Variants in GABRB2 observed in about 807,000 individuals in gnomAD.
GABRB2 encodes gamma-aminobutyric acid receptor subunit beta-2.
Under a neutral mutation model 54.7 loss-of-function variants are expected in GABRB2, and 16 were observed. The observed-to-expected ratio is 0.29, with a 90% confidence interval of 0.20 to 0.44. GABRB2 has a LOEUF of 0.44. Among genes scored for constraint, GABRB2 ranks in the 20% least tolerant of loss-of-function variants. The probability of loss-of-function intolerance (pLI) is 1.00; values close to 1 mark genes in which losing one functional copy is unlikely to be tolerated. For synonymous variants in GABRB2, 244 were observed against 233.8 expected (o/e 1.04, Z -0.40); for missense variants, 355 against 644.0 (o/e 0.55, Z 4.86).
intron 9 of GABRB2, among the ~76,000 whole-genome samples, chr5:161,308,918 ACCT>A (rs1378571687): frequency 6.6e-6 from 1 of 152,172 alleles, no homozygotes; most frequent in African/African-American, 2.4e-5. Flanking sequence ...CCAGAAAACA[ACCT>A]AGGCAATACA....
chr5:161,536,755 G>A (rs60871523), intron 3 of GABRB2, among the ~76,000 whole-genome samples: 13 of 152,066 alleles, frequency 8.5e-5, no homozygotes, highest in South Asian at 6.2e-4. Context: ...GCACCACCAC[G>A]CCCAGCTAAT....
intron 3 of GABRB2, among the ~76,000 whole-genome samples, chr5:161,472,836 T>C (rs756082654): frequency 6.6e-6 from 1 of 151,964 alleles, no homozygotes. Flanking sequence ...GAAGATTCTT[T>C]TCGGCAGAAT....
At chr5:161,414,151 A>G (rs1756595768) in intron 4 of GABRB2, among the ~76,000 whole-genome samples, 2 of 152,216 alleles carry the variant, frequency 1.3e-5, no homozygotes, top group Admixed American at 1.3e-4. Context: ...AGCATTTGTA[A>G]GTGTCTTCTA....
At chr5:161,405,933 A>T (rs952740686) in intron 5 of GABRB2, among the ~76,000 whole-genome samples, 1 of 152,058 alleles carries the variant, frequency 6.6e-6, no homozygotes, top group Non-Finnish European at 1.5e-5. Flanking sequence ...TGTTGCCTTT[A>T]TATAATGTAC....
chr5:161,546,691 C>T lies in GABRB2; in HGVS notation c.-48G>A. The T allele has an allele frequency of 6.4e-7, 1 of 1,556,060 alleles. No individual in the cohort carries two copies. Among genetic ancestry groups the T allele is most frequent in the South Asian group, 1.2e-5 (1 of 84,434 alleles). ...GAGGGTTTCACTGAAGAGAGGAGATCCAACTTAGTCTGCCCAGTGCAGTAA... is the reference window on the plus strand; with the variant it reads ...GAGGGTTTCACTGAAGAGAGGAGATTCAACTTAGTCTGCCCAGTGCAGTAA... On this transcript the variant is annotated 5_prime_UTR_variant, in exon 1 of 10. Coordinates refer to ENST00000393959, the MANE Select transcript of GABRB2 (RefSeq NM_001371727.1).
Position 161,478,037 on chromosome 5 carries a change from G to A in GABRB2, c.238-18193C>T, listed in dbSNP as rs146317765. 5.3e-5 allele frequency among the ~76,000 whole-genome samples: 8 copies of A among 152,008 alleles called. No homozygotes were observed. The East Asian group carries it at 5.8e-4, about 11-fold the overall frequency. On this transcript the variant is annotated intron_variant, in intron 3 of 9. Coordinates refer to ENST00000393959, the MANE Select transcript of GABRB2 (RefSeq NM_001371727.1). ...TTGCTTTGTAAATTTGGATTTCTAC[G>A]TAGTTATTTAGCAAACTTTTCTATG...
At chr5:161,498,933 C>T (rs897991826) in intron 3 of GABRB2, among the ~76,000 whole-genome samples, 12 of 152,122 alleles carry the variant, frequency 7.9e-5, no homozygotes, top group African/African-American at 2.7e-4. Context: ...AATGCTAAAC[C>T]GTCACAGCTA....
At chr5:161,393,853 T>TAATATAAACATAGAAAGTATGAACA (rs1755911855) in intron 5 of GABRB2, among the ~76,000 whole-genome samples, 1 of 152,082 alleles carries the variant, frequency 6.6e-6, no homozygotes, top group African/African-American at 2.4e-5. Flanking sequence ...GAAAATAAGC[T>TAATATAAACATAGAAAGTATGAACA]AATATAAACA....
intron 4 of GABRB2, among the ~76,000 whole-genome samples, chr5:161,457,244 A>G (rs1757982775): frequency 6.6e-6 from 1 of 152,176 alleles, no homozygotes; most frequent in Non-Finnish European, 1.5e-5. Context: ...AGGAACCTGC[A>G]TATTTTTTAA....
At chr5:161,410,027 T>C (rs908038694) in intron 5 of GABRB2, among the ~76,000 whole-genome samples, 3 of 152,136 alleles carry the variant, frequency 2.0e-5, no homozygotes, top group African/African-American at 4.8e-5. Context: ...CTCACAGCAA[T>C]GATTTAGTCA....
intron 5 of GABRB2, among the ~76,000 whole-genome samples, chr5:161,366,806 G>C (rs1754986081): frequency 6.6e-6 from 1 of 152,078 alleles, no homozygotes; most frequent in Admixed American, 6.6e-5. Context: ...AATTAAGTAG[G>C]CGTGGTGGCA....
chr5:161,420,411 C>T (rs1756815739), intron 4 of GABRB2, among the ~76,000 whole-genome samples: 1 of 152,204 alleles, frequency 6.6e-6, no homozygotes, highest in African/African-American at 2.4e-5. Context: ...GTTCCACAAT[C>T]TACCTTTAAC....
At chr5:161,477,196 T>C (rs974036918) in intron 3 of GABRB2, among the ~76,000 whole-genome samples, 2 of 150,324 alleles carry the variant, frequency 1.3e-5, no homozygotes, top group African/African-American at 4.9e-5. Flanking sequence ...AAATCACTAA[T>C]CATTATAAAA....
chr5:161,435,784 C>CTA (rs1757289721), intron 4 of GABRB2, among the ~76,000 whole-genome samples: 1 of 152,114 alleles, frequency 6.6e-6, no homozygotes, highest in East Asian at 1.9e-4. Flanking sequence ...CCCATCTAGC[C>CTA]TATAGATATA....
At chr5:161,374,556 A>C (rs986882165) in intron 5 of GABRB2, among the ~76,000 whole-genome samples, 6 of 152,214 alleles carry the variant, frequency 3.9e-5, no homozygotes, top group African/African-American at 1.4e-4. Context: ...ATCTGGAGGC[A>C]ATTAGCAAAA....
intron 4 of GABRB2, among the ~76,000 whole-genome samples, chr5:161,455,713 T>G (rs1270624294): frequency 6.6e-6 from 1 of 151,846 alleles, no homozygotes. Context: ...TCATATGTTT[T>G]GCAGAGACAG....
chr5:161,354,059 G>T (rs781068659), intron 5 of GABRB2, among the ~76,000 whole-genome samples: 2 of 152,008 alleles, frequency 1.3e-5, no homozygotes, highest in East Asian at 1.9e-4. Flanking sequence ...CAGCAAATTG[G>T]TATTTAAGAC....
chr5:161,479,835 G>A (rs907623490), intron 3 of GABRB2, among the ~76,000 whole-genome samples: 7 of 151,906 alleles, frequency 4.6e-5, no homozygotes, highest in African/African-American at 9.7e-5. Context: ...TGATCCACCC[G>A]CCTCAGCCTC....
At chr5:161,491,985 C>T (rs1428909033) in intron 3 of GABRB2, among the ~76,000 whole-genome samples, 2 of 151,340 alleles carry the variant, frequency 1.3e-5, no homozygotes, top group Non-Finnish European at 3.0e-5. Flanking sequence ...AGGGTGACTC[C>T]CTGTAACTCA....
Sources: gnomAD v4.1 joint callset for allele counts (sites outside exome capture counted in the v4.1 genomes callset) on GRCh38, gnomAD v4.1.1 for gene constraint, MANE v1.5 for transcripts, NCBI Gene and HGNC (gene_info 2026-07-23, HGNC 2026-07-21) for gene names.